The following UBE3B variants were observed in gnomAD, a reference collection of about 807,000 sequenced individuals.
UBE3B encodes the protein ubiquitin-protein ligase E3B.
UBE3B carries 80 observed loss-of-function variants against 132.3 expected under a neutral mutation model. The ratio of observed to expected loss-of-function variants is 0.60; its 90% CI spans 0.50 to 0.73. The LOEUF is 0.73. Among genes scored for constraint, UBE3B ranks in the 30% least tolerant of loss-of-function variants. The pLI is 0.00. For synonymous variants in UBE3B, 487 were observed against 520.4 expected (o/e 0.94, Z 0.87); for missense variants, 1,196 against 1,362.5 (o/e 0.88, Z 1.92).
chr12:109,534,808 GCTC>G lies in UBE3B; in HGVS notation c.*29_*31del. The G allele has an allele frequency of 2.0e-6, 3 of 1,479,790 alleles. No homozygotes were observed. The highest frequency in any genetic ancestry group is 2.7e-6 in the Non-Finnish European group (3 of 1,113,340). The allele number at this position is 1,479,790 out of a possible 1,614,324, so 91.7% of individuals were successfully genotyped here. ...CTCCTGTCCCAGCCCTGCCTCCAGG[GCTC>G]CTGGGCTGCCAGGGACCTTCAGCTC... On this transcript the variant is annotated 3_prime_UTR_variant, in exon 28 of 28. Transcript: ENST00000342494. This position sits in a 1 kb window ranked among gnomAD's most constrained non-coding sequence, Gnocchi z 5.2.
chr12:109,533,675 C>T (rs1310686554), intron 27 of UBE3B, 117 bp downstream of exon 27: 4 of 1,078,862 alleles, frequency 3.7e-6, no homozygotes, highest in South Asian at 1.3e-5. Flanking sequence ...GCAGCTGGAC[C>T]CCTCAGAGCC....
chr12:109,490,437 T>C (rs915325285), intron 8 of UBE3B: 7 of 1,534,088 alleles, frequency 4.6e-6, no homozygotes, highest in Non-Finnish European at 5.2e-6. Context: ...AAAGGTACAA[T>C]GGAAGTCTTG....
In UBE3B at chr12:109,499,696, T is replaced by C. The variant is rs772329662; in HGVS notation, c.1004T>C (p.Val335Ala). Reference protein sequence around the residue: ...RVLEEETDGFVSLLTQTLCYC... With the variant: ...RVLEEETDGFASLLTQTLCYC... Reference sequence around the variant, plus strand: ...TTAGAGGAGGAGACAGATGGGTTCGTGAGTTTGCTCACCCAGACGCTGTGC... The same window carrying C: ...TTAGAGGAGGAGACAGATGGGTTCGCGAGTTTGCTCACCCAGACGCTGTGC... The change falls in exon 12 of 28, where the codon GTG (valine) becomes GCG (alanine). Residue 335 changes from valine to alanine, a missense_variant. Val to Ala is a moderately conservative substitution (Grantham distance 64). Coordinates refer to ENST00000342494, the MANE Select transcript of UBE3B (RefSeq NM_130466.4). 1 of 1,613,468 alleles carries C rather than the reference T, an allele frequency of 6.2e-7. No homozygotes were observed. Among genetic ancestry groups the C allele is most frequent in the Non-Finnish European group, 8.5e-7 (1 of 1,179,648 alleles).
intron 19 of UBE3B, among the ~76,000 whole-genome samples, chr12:109,518,691 C>A (rs892682541): frequency 2.0e-5 from 3 of 152,184 alleles, no homozygotes; most frequent in African/African-American, 7.2e-5. Context: ...AATCCGACTC[C>A]CTTCACAAAT....
rs1878966404 is a variant in UBE3B at position 109,501,397 on chromosome 12, C to T, written c.1145C>T (p.Thr382Ile). 1.2e-6 allele frequency: 2 copies of T among 1,614,170 alleles called. No individual in the cohort carries two copies. Among genetic ancestry groups the T allele is most frequent in the South Asian group, 1.1e-5 (1 of 91,086 alleles). The stretch of plus-strand genomic sequence containing the variant: ...CTTAACGAGTCAATGCACTTGATCA[C>T]CAAACAGCTGCAGTTCTTGTGGGGG... ...YGLNESMHLI[T>I]KQLQFLWGVP... The change falls in exon 13 of 28, where the codon ACC becomes ATC. Residue 382 changes from threonine (T) to isoleucine (I), a missense_variant. Thr to Ile is a moderately conservative substitution (Grantham distance 89). Transcript: ENST00000342494.
At chr12:109,527,894 G>A (rs1226394420) in intron 24 of UBE3B, among the ~76,000 whole-genome samples, 1 of 152,174 alleles carries the variant, frequency 6.6e-6, no homozygotes, top group Non-Finnish European at 1.5e-5. Flanking sequence ...TCCTCAGATG[G>A]GTGACGTGTC....
rs758489290 is a variant in UBE3B, at chr12:109,524,451, A to G, written c.2516A>G (p.Asp839Gly). The G allele has an allele frequency of 1.9e-5, 31 of 1,614,150 alleles. No individual in the cohort carries two copies. The highest frequency in any genetic ancestry group is 2.4e-5 in the Non-Finnish European group (28 of 1,180,028). ...CTGTTACATTAGCGCTATGATGGGGACATCACTGACCTGGGCCTGACGCTG... is the reference window on the plus strand; with the variant it reads ...CTGTTACATTAGCGCTATGATGGGGGCATCACTGACCTGGGCCTGACGCTG... ...NLTSIKRYDG[D>G]ITDLGLTLSY... is the part of the protein sequence containing the mutation. The change falls in exon 23 of 28, where the codon GAC becomes GGC. Residue 839 changes from aspartate to glycine, a missense_variant. Coordinates refer to ENST00000342494, the MANE Select transcript of UBE3B (RefSeq NM_130466.4).
rs760500457 is a variant in UBE3B at position 109,524,440 on chromosome 12, C to A, written c.2505C>A (p.Arg835=). Reference sequence around the variant, plus strand: ...TTTCCCCTTCTCTGTTACATTAGCGCTATGATGGGGACATCACTGACCTGG... The same window carrying A: ...TTTCCCCTTCTCTGTTACATTAGCGATATGATGGGGACATCACTGACCTGG... ...EFYKNLTSIK[R]YDGDITDLGL... is the part of the protein sequence containing the mutation. Residue 835 remains arginine (R), a splice_region_variant and synonymous_variant, in exon 23 of 28, where the codon CGC becomes CGA. Coordinates refer to ENST00000342494, the MANE Select transcript of UBE3B (RefSeq NM_130466.4). 1 of 1,614,214 alleles carries A rather than the reference C, an allele frequency of 6.2e-7. No homozygotes were observed. Among genetic ancestry groups the A allele is most frequent in the Admixed American group, 1.7e-5 (1 of 60,028 alleles).
intron 12 of UBE3B, 113 bp from the exon 13 acceptor site, chr12:109,501,258 G>T: frequency 7.7e-7 from 1 of 1,293,238 alleles, no homozygotes; most frequent in South Asian, 1.3e-5. Context: ...GCCATGTTGA[G>T]TGCCAGGTCC....
At chr12:109,479,489 A>G (rs1764075923) in intron 1 of UBE3B, among the ~76,000 whole-genome samples, 1 of 152,224 alleles carries the variant, frequency 6.6e-6, no homozygotes, top group Admixed American at 6.5e-5. Flanking sequence ...CAAATGTCGG[A>G]TAGAAGGAGT....
intron 21 of UBE3B, among the ~76,000 whole-genome samples, chr12:109,523,398 G>A (rs190237046): frequency 2.6e-5 from 4 of 152,300 alleles, no homozygotes; most frequent in African/African-American, 7.2e-5. Flanking sequence ...CAAGGCTTAC[G>A]GGCCCTCCCT....
At chr12:109,501,625 T>C (rs1312299312) in intron 13 of UBE3B, 91 bp downstream of exon 13, 1 of 1,447,472 alleles carries the variant, frequency 6.9e-7, no homozygotes, top group East Asian at 2.3e-5. Flanking sequence ...GCTGTGTTTG[T>C]GGGATGCTCT....
chr12:109,505,241 C>A (rs150962720), intron 14 of UBE3B, among the ~76,000 whole-genome samples: 2 of 152,200 alleles, frequency 1.3e-5, no homozygotes, highest in African/African-American at 4.8e-5. Flanking sequence ...TGCTGTTTTT[C>A]TACTGACAAC....
chr12:109,527,540 T>G (rs1019810740), intron 24 of UBE3B, among the ~76,000 whole-genome samples: 1 of 152,244 alleles, frequency 6.6e-6, no homozygotes, highest in African/African-American at 2.4e-5. Flanking sequence ...ATCAGGTGGT[T>G]CAGTCAGTCT....
chr12:109,501,515 G>A lies in UBE3B; in HGVS notation c.1263G>A (p.Gln421=). 6.2e-7 allele frequency: 1 copy of A among 1,613,922 alleles called. No homozygotes were observed. The highest frequency in any genetic ancestry group is 8.5e-7 in the Non-Finnish European group (1 of 1,179,928). ...EPAHAQPASP[Q]NVLPVKSLLK... is the part of the protein sequence containing the mutation. ...CCCACGCACAGCCAGCATCCCCTCAGAATGTGCTCCCAGTGAAGAGTGAGT... is the reference window on the plus strand; with the variant it reads ...CCCACGCACAGCCAGCATCCCCTCAAAATGTGCTCCCAGTGAAGAGTGAGT... Residue 421 remains glutamine (Q), a synonymous_variant, in exon 13 of 28, where the codon CAG becomes CAA. Coordinates refer to ENST00000342494, the MANE Select transcript of UBE3B (RefSeq NM_130466.4).
At position 109,511,187 on chromosome 12, in the gene UBE3B, A is replaced by G. The variant is rs1477522327; in HGVS notation, c.1857-17A>G. On this transcript the variant is annotated splice_polypyrimidine_tract_variant and intron_variant, in intron 17 of 27. Coordinates refer to ENST00000342494, the MANE Select transcript of UBE3B (RefSeq NM_130466.4). ...TCCTTCTTTTAATTCTCCCAAACCCATGTCTTTCTTCTCAAGGGATCTCAA... is the reference window on the plus strand; with the variant it reads ...TCCTTCTTTTAATTCTCCCAAACCCGTGTCTTTCTTCTCAAGGGATCTCAA... The G allele has an allele frequency of 6.2e-7, 1 of 1,612,538 alleles. No individual in the cohort carries two copies. Among genetic ancestry groups the G allele is most frequent in the East Asian group, 2.2e-5 (1 of 44,860 alleles).
intron 18 of UBE3B, among the ~76,000 whole-genome samples, chr12:109,516,474 G>C (rs1388446907): frequency 6.6e-6 from 1 of 152,140 alleles, no homozygotes; most frequent in African/African-American, 2.4e-5. Flanking sequence ...CCCACGCCCA[G>C]CCTTGAGGAG....
Position 109,534,338 on chromosome 12 carries a change from G to T in UBE3B, c.3016-253G>T. On this transcript the variant is annotated intron_variant, in intron 27 of 27. Coordinates refer to ENST00000342494, the MANE Select transcript of UBE3B (RefSeq NM_130466.4). This position sits in a 1 kb window ranked among gnomAD's most constrained non-coding sequence, Gnocchi z 5.2. ...CCAGTAATTCGCTGTGAACCGGAAGGCCCCATTTCCAAAAGCTTACTTAGT... is the reference window on the plus strand; with the variant it reads ...CCAGTAATTCGCTGTGAACCGGAAGTCCCCATTTCCAAAAGCTTACTTAGT... 6.4e-6 allele frequency: 9 copies of T among 1,409,314 alleles called. No individual in the cohort carries two copies. The highest frequency in any genetic ancestry group is 8.3e-6 in the Non-Finnish European group (9 of 1,087,332). The allele number at this position is 1,409,314 out of a possible 1,614,324, so 87.3% of individuals were successfully genotyped here.
downstream of UBE3B, among the ~76,000 whole-genome samples, chr12:109,537,497 AC>A (rs2136169208): frequency 6.6e-6 from 1 of 152,260 alleles, no homozygotes; most frequent in South Asian, 2.1e-4. Flanking sequence ...TCAGGAAAGA[AC>A]CCTGGAGAGG....
Sources: gnomAD v4.1 joint callset for allele counts (sites outside exome capture counted in the v4.1 genomes callset) on GRCh38, gnomAD v4.1.1 for gene constraint, Gnocchi (gnomAD v3.1) non-coding constraint, MANE v1.5 for transcripts, NCBI Gene and HGNC (gene_info 2026-07-23, HGNC 2026-07-21) for gene names.